Variants in ILDR2 observed in about 807,000 individuals in gnomAD.
The protein encoded by ILDR2 is immunoglobulin-like domain-containing receptor 2.
Under a neutral mutation model 66.8 loss-of-function variants are expected in ILDR2, and 25 were observed. The ratio of observed to expected loss-of-function variants is 0.37; its 90% CI spans 0.27 to 0.52. The LOEUF (loss-of-function observed/expected upper bound fraction) is 0.52, where lower values mean the gene tolerates loss of function less well. Among genes scored for constraint, ILDR2 ranks in the 20% least tolerant of loss-of-function variants. The pLI is 0.88. For missense variants in ILDR2, 827 were observed against 876.8 expected (o/e 0.94, Z 0.72); for synonymous variants, 367 against 357.2 (o/e 1.03, Z -0.31).
chr1:166,950,290 T>C (rs1000665848), intron 3 of ILDR2, among the ~76,000 whole-genome samples: 1 of 152,180 alleles, frequency 6.6e-6, no homozygotes, highest in Non-Finnish European at 1.5e-5. Flanking sequence ...ATCAAAGTTT[T>C]AGCAGGCAAC....
At position 166,915,422 on chromosome 1, in the gene ILDR2, G is replaced by C. The variant is rs1287656302; in HGVS notation, c.*3933C>G. On this transcript the variant is annotated 3_prime_UTR_variant, in exon 10 of 10. Coordinates refer to ENST00000271417, the MANE Select transcript of ILDR2 (RefSeq NM_199351.3). ...TGCATCTGATCACAGGAGTCTCCTG[G>C]AATGCATATTAAAAATATGAATTCT... The C allele has an allele frequency of 6.6e-6, 1 of 152,166 alleles. No individual in the cohort carries two copies. Among genetic ancestry groups the C allele is most frequent in the South Asian group, 2.1e-4 (1 of 4,834 alleles). 9.4% of individuals were successfully genotyped at this position (152,166 alleles called of 1,614,324 possible). A position where few individuals can be genotyped will look rare whatever the true frequency, so the allele number is the denominator to read the frequency against.
At chr1:166,905,663 G>A (rs900022845), downstream of ILDR2, among the ~76,000 whole-genome samples, 1 of 152,142 alleles carries the variant, frequency 6.6e-6, no homozygotes, top group African/African-American at 2.4e-5. Flanking sequence ...TAGAGCCTGG[G>A]AATAGTAATT....
At chr1:166,897,480 G>A (rs527489114) in intron 2 of ILDR2, among the ~76,000 whole-genome samples, 125 of 152,274 alleles carry the variant, frequency 8.2e-4, no homozygotes, top group African/African-American at 2.9e-3. Context: ...TTCAGGATGG[G>A]GGCTGGCCAT....
intron 7 of ILDR2, among the ~76,000 whole-genome samples, chr1:166,925,218 A>C (rs535619258): frequency 4.3e-4 from 65 of 152,234 alleles, no homozygotes; most frequent in African/African-American, 1.5e-3. Flanking sequence ...TCCTGCCCCA[A>C]CCTGAAACCA....
chr1:166,909,748 TATATATATATAA>T lies in ILDR2; in HGVS notation c.*9595_*9606del, dbSNP rs1240572828. The T allele has an allele frequency of 3.6e-5, 4 of 111,254 alleles. No homozygotes were observed. Among genetic ancestry groups the T allele is most frequent in the Admixed American group, 1.1e-4 (1 of 9,362 alleles). The allele number at this position is 111,254 out of a possible 1,614,324, so 6.9% of individuals were successfully genotyped here. ...GTGTGTATACATACATATATATATA[TATATATATATAA>T]ATATATATAAATATATATATTTATA... On this transcript the variant is annotated 3_prime_UTR_variant, in exon 10 of 10. Transcript: ENST00000271417.
At chr1:166,954,877 C>G (rs1662182827) in intron 3 of ILDR2, among the ~76,000 whole-genome samples, 1 of 152,136 alleles carries the variant, frequency 6.6e-6, no homozygotes, top group African/African-American at 2.4e-5. Context: ...TATTTATTTC[C>G]CCATGTTTGC....
chr1:166,972,334 C>T (rs773696119), intron 1 of ILDR2, among the ~76,000 whole-genome samples: 12 of 152,196 alleles, frequency 7.9e-5, no homozygotes, highest in Non-Finnish European at 1.6e-4. Flanking sequence ...CCCAGAGTGT[C>T]GACACAGCTC....
In ILDR2 at chr1:166,908,253, A is replaced by C. The variant is rs1374635728; in HGVS notation, c.*11102T>G. On this transcript the variant is annotated 3_prime_UTR_variant, in exon 10 of 10. Transcript: ENST00000271417. ...CTGGGAAGTCCAAGCTCAGTGCACC[A>C]ATACATTCAGTTCCTGGCGAAGGTC... is the stretch of plus-strand genomic sequence containing the variant. 3 of 152,206 alleles carry C rather than the reference A, an allele frequency of 2.0e-5. No individual in the cohort carries two copies. Among genetic ancestry groups the C allele is most frequent in the Non-Finnish European group, 4.4e-5 (3 of 68,054 alleles). 9.4% of individuals were successfully genotyped at this position (152,206 alleles called of 1,614,324 possible). A position where few individuals can be genotyped will look rare whatever the true frequency, so the allele number is the denominator to read the frequency against.
In ILDR2 at chr1:166,909,502, A is replaced by G. The variant is rs79297514; in HGVS notation, c.*9853T>C. 1 of 151,756 alleles carries G rather than the reference A, an allele frequency of 6.6e-6. No individual in the cohort carries two copies. Among genetic ancestry groups the G allele is most frequent in the East Asian group, 1.9e-4 (1 of 5,140 alleles). 9.4% of individuals were successfully genotyped at this position (151,756 alleles called of 1,614,324 possible). On this transcript the variant is annotated 3_prime_UTR_variant, in exon 10 of 10. Coordinates refer to ENST00000271417, the MANE Select transcript of ILDR2 (RefSeq NM_199351.3). The stretch of plus-strand genomic sequence containing the variant: ...GCTATCTTCCTGTCATTTGCAACCA[A>G]AAATTTTTTTACTAATACAGCTGCC...
At chr1:166,950,456 A>C (rs1434779155) in intron 3 of ILDR2, among the ~76,000 whole-genome samples, 1 of 152,082 alleles carries the variant, frequency 6.6e-6, no homozygotes, top group African/African-American at 2.4e-5. Flanking sequence ...TTCTGAAGAG[A>C]CTGAACTAAA....
intron 1 of ILDR2, among the ~76,000 whole-genome samples, chr1:166,966,544 T>G (rs1267277277): frequency 6.6e-6 from 1 of 152,226 alleles, no homozygotes; most frequent in Non-Finnish European, 1.5e-5. Flanking sequence ...CTGGTGTTTG[T>G]TTACACAAAT....
chr1:166,944,240 C>G (rs1275125240), intron 3 of ILDR2, among the ~76,000 whole-genome samples: 2 of 152,174 alleles, frequency 1.3e-5, no homozygotes, highest in Non-Finnish European at 2.9e-5. Flanking sequence ...CAACTGAACT[C>G]TTTGTACACA....
chr1:166,945,462 TC>T (rs1379142106), intron 3 of ILDR2, among the ~76,000 whole-genome samples: 2 of 152,186 alleles, frequency 1.3e-5, no homozygotes, highest in African/African-American at 2.4e-5. Flanking sequence ...CCTATAAAAT[TC>T]CCCATTTCAG....
At chr1:166,937,838 C>T (rs1661076642) in intron 4 of ILDR2, among the ~76,000 whole-genome samples, 1 of 152,226 alleles carries the variant, frequency 6.6e-6, no homozygotes, top group Admixed American at 6.5e-5. Flanking sequence ...AATCCCTTTA[C>T]AATGAACCTC....
At chr1:166,973,658 C>A (rs1483859471) in intron 1 of ILDR2, among the ~76,000 whole-genome samples, 3 of 122,828 alleles carry the variant, frequency 2.4e-5, no homozygotes, top group Non-Finnish European at 4.8e-5. Context: ...TGTTGTGATA[C>A]AGGCTCAAGG....
chr1:166,938,198 A>G (rs1050630709), intron 4 of ILDR2, among the ~76,000 whole-genome samples: 5 of 152,240 alleles, frequency 3.3e-5, no homozygotes, highest in Non-Finnish European at 5.9e-5. Flanking sequence ...TAACAACACA[A>G]TAATGCAACA....
chr1:166,902,781 G>A (rs1371113541), intron 2 of ILDR2, among the ~76,000 whole-genome samples: 1 of 152,168 alleles, frequency 6.6e-6, no homozygotes, highest in Non-Finnish European at 1.5e-5. Context: ...CAAGTTTTCT[G>A]AGTTTTGTTT....
intron 3 of ILDR2, among the ~76,000 whole-genome samples, chr1:166,952,099 T>C (rs146562666): frequency 3.9e-4 from 59 of 152,346 alleles, no homozygotes; most frequent in African/African-American, 1.3e-3. Flanking sequence ...CAAGGAGAGC[T>C]GCTTTTAGAT....
intron 1 of ILDR2, among the ~76,000 whole-genome samples, chr1:166,965,573 T>G (rs1247593983): frequency 2.0e-5 from 3 of 147,260 alleles, no homozygotes; most frequent in African/African-American, 5.1e-5. Context: ...AGGTTTTGTT[T>G]TTTTTTTTGT....
Sources: gnomAD v4.1 joint callset for allele counts (sites outside exome capture counted in the v4.1 genomes callset) on GRCh38, gnomAD v4.1.1 for gene constraint, MANE v1.5 for transcripts, NCBI Gene and HGNC (gene_info 2026-07-23, HGNC 2026-07-21) for gene names.